The following PCDH11Y variants were observed in gnomAD, a reference collection of about 807,000 sequenced individuals.
The protein encoded by PCDH11Y is protocadherin 11 Y-linked.
For synonymous variants in PCDH11Y, 9 were observed against 83.6 expected (o/e 0.11, Z 4.87); for missense variants, 12 against 224.8 (o/e 0.05, Z 6.05).
chrY:5,612,362 A>C (rs2053488387), intron 4 of PCDH11Y, among the ~76,000 whole-genome samples: 1 of 33,324 alleles, frequency 3.0e-5, no homozygotes, highest in African/African-American at 1.2e-4. Flanking sequence ...TGCACATTGC[A>C]TATACTAAAA....
chrY:5,109,493 G>T (rs2052800946), downstream of PCDH11Y, among the ~76,000 whole-genome samples: 1 of 32,927 alleles, frequency 3.0e-5, no homozygotes, highest in African/African-American at 1.2e-4. Flanking sequence ...TAAAATTATA[G>T]AATTATGCTT....
intron 3 of PCDH11Y, among the ~76,000 whole-genome samples, chrY:5,579,969 G>C: frequency 3.3e-5 from 1 of 30,531 alleles, no homozygotes; most frequent in Non-Finnish European, 8.0e-5. Context: ...CCTTACAGTG[G>C]GAAAATGGTT....
intron 2 of PCDH11Y, among the ~76,000 whole-genome samples, chrY:5,238,812 A>G (rs2052983431): frequency 2.9e-5 from 1 of 34,086 alleles, no homozygotes; most frequent in East Asian, 7.8e-4. Context: ...CAGCCAACAG[A>G]CACATGAAGA....
chrY:5,367,364 C>CT (rs1442640625), intron 2 of PCDH11Y, among the ~76,000 whole-genome samples: 12 of 4,586 alleles, frequency 2.6e-3, no homozygotes, highest in East Asian at 0.011. Context: ...TGGTTCTAAT[C>CT]TTTTTTTTTT....
chrY:5,049,069 T>C, intron 3 of PCDH11Y, among the ~76,000 whole-genome samples: 1 of 30,766 alleles, frequency 3.3e-5, no homozygotes, highest in East Asian at 8.6e-4. Context: ...CTTTTGTACA[T>C]GGTGTAAGAA....
chrY:5,345,539 G>T, intron 2 of PCDH11Y, among the ~76,000 whole-genome samples: 1 of 33,463 alleles, frequency 3.0e-5, no homozygotes, highest in Non-Finnish European at 7.4e-5. Context: ...GTATGTAGCT[G>T]AGATAAACAA....
chrY:5,391,195 A>G, intron 2 of PCDH11Y, among the ~76,000 whole-genome samples: 2 of 31,337 alleles, frequency 6.4e-5, no homozygotes, highest in Non-Finnish European at 1.5e-4. Context: ...TATAGTAATA[A>G]CTATGACTTT....
chrY:5,453,531 G>A, intron 2 of PCDH11Y, among the ~76,000 whole-genome samples: 1 of 33,427 alleles, frequency 3.0e-5, no homozygotes, highest in East Asian at 7.8e-4. Context: ...GCCCATTCTC[G>A]CATTGCTATA....
chrY:5,709,786 G>A, intron 4 of PCDH11Y, among the ~76,000 whole-genome samples: 1 of 32,018 alleles, frequency 3.1e-5, no homozygotes, highest in Non-Finnish European at 7.6e-5. Flanking sequence ...GTCTGGAATC[G>A]GTTTGGAAGG....
chrY:5,155,306 T>G, intron 2 of PCDH11Y, among the ~76,000 whole-genome samples: 2 of 32,459 alleles, frequency 6.2e-5, no homozygotes, highest in Non-Finnish European at 1.5e-4. Context: ...TACTTATATA[T>G]ATTTTTTCAT....
intron 4 of PCDH11Y, among the ~76,000 whole-genome samples, chrY:5,621,284 T>C: frequency 3.1e-5 from 1 of 32,328 alleles, no homozygotes; most frequent in Non-Finnish European, 7.5e-5. Context: ...ATGAATGAAC[T>C]ATCATTCATA....
intron 4 of PCDH11Y, among the ~76,000 whole-genome samples, chrY:5,614,440 A>C: frequency 3.1e-5 from 1 of 32,169 alleles, no homozygotes; most frequent in Admixed American, 2.9e-4. Flanking sequence ...ATCTCTTTCC[A>C]TACTGATTTC....
intron 4 of PCDH11Y, among the ~76,000 whole-genome samples, chrY:5,625,251 A>G: frequency 9.4e-5 from 3 of 32,020 alleles, no homozygotes; most frequent in African/African-American, 3.7e-4. Flanking sequence ...GGCAGAGACT[A>G]TGGGGCTTTC....
intron 2 of PCDH11Y, among the ~76,000 whole-genome samples, chrY:5,409,733 G>A (rs2053244364): frequency 3.0e-5 from 1 of 33,521 alleles, no homozygotes; most frequent in Non-Finnish European, 7.4e-5. Context: ...TCTGCAAATA[G>A]AGATAGTTTT....
intron 2 of PCDH11Y, among the ~76,000 whole-genome samples, chrY:5,445,820 T>C: frequency 3.0e-5 from 1 of 33,104 alleles, no homozygotes; most frequent in African/African-American, 1.2e-4. Context: ...CCATAATAGA[T>C]TGGGGAAATT....
intron 2 of PCDH11Y, among the ~76,000 whole-genome samples, chrY:5,407,909 G>A (rs2053242017): frequency 2.8e-4 from 2 of 7,148 alleles, no homozygotes; most frequent in Non-Finnish European, 4.5e-4. Flanking sequence ...GCGAGACTCC[G>A]TCTCAAAAAA....
At position 5,283,390 on chromosome Y, in the gene PCDH11Y, A is replaced by G. The variant is rs2124660979; in HGVS notation, c.3129+182683A>G. Reference sequence around the variant, plus strand: ...AAATATTCAGATTCAAAATATTGATATTATTTCAATGCTGTATTTTTCTGT... The same window carrying G: ...AAATATTCAGATTCAAAATATTGATGTTATTTCAATGCTGTATTTTTCTGT... On this transcript the variant is annotated intron_variant, in intron 2 of 4. Coordinates refer to the PCDH11Y transcript ENST00000400457. Among the ~76,000 whole-genome samples the G allele has an allele frequency of 2.0e-4, 6 of 29,722 alleles. No individual in the cohort carries two copies. In the East Asian group the frequency reaches 5.5e-3, roughly 27 times the overall value. The allele number at this position is 29,722 out of a possible 37,273, so 79.7% of individuals were successfully genotyped here. A position where few individuals can be genotyped will look rare whatever the true frequency, so the allele number is the denominator to read the frequency against.
chrY:5,236,594 G>A, intron 2 of PCDH11Y, among the ~76,000 whole-genome samples: 1 of 32,082 alleles, frequency 3.1e-5, no homozygotes, highest in East Asian at 8.0e-4. Flanking sequence ...GACATATGGG[G>A]CCATTACAGC....
chrY:5,026,281 AC>A (rs2052578535), intron 1 of PCDH11Y, among the ~76,000 whole-genome samples: 1 of 31,169 alleles, frequency 3.2e-5, no homozygotes, highest in Non-Finnish European at 7.8e-5. Flanking sequence ...GAGGAACTTT[AC>A]TCAGTTTTAG....
Sources: allele counts gnomAD v4.1 joint callset (sites outside exome capture counted in the v4.1 genomes callset), GRCh38; gene constraint gnomAD v4.1.1; transcripts MANE v1.5; gene names NCBI Gene and HGNC (gene_info 2026-07-23, HGNC 2026-07-21).